Variants in EDIL3 observed in about 807,000 individuals in gnomAD.
EDIL3 encodes the protein EGF like and discoidin domains 3.
A neutral mutation model predicts 67.4 loss-of-function variants in EDIL3; 37 were observed. The ratio of observed to expected loss-of-function variants is 0.55; its 90% CI spans 0.42 to 0.72. The LOEUF is 0.72. EDIL3 is among the 30% of genes least tolerant of loss of function. EDIL3 has a pLI of 0.00. For synonymous variants in EDIL3, 195 were observed against 196.3 expected (o/e 0.99, Z 0.05); for missense variants, 527 against 586.3 (o/e 0.90, Z 1.04).
chr5:84,313,044 A>G (rs1746438196), intron 1 of EDIL3, among the ~76,000 whole-genome samples: 1 of 152,228 alleles, frequency 6.6e-6, no homozygotes, highest in African/African-American at 2.4e-5. Context: ...AGTTACTAAT[A>G]GAAATGGTCT....
chr5:84,159,015 C>T (rs1315970254), intron 4 of EDIL3, among the ~76,000 whole-genome samples: 8 of 151,946 alleles, frequency 5.3e-5, no homozygotes, highest in Admixed American at 5.3e-4. Context: ...AACAAAGGAA[C>T]AAACTGAACA....
At chr5:84,149,513 C>A (rs906369777) in intron 4 of EDIL3, among the ~76,000 whole-genome samples, 2 of 152,022 alleles carry the variant, frequency 1.3e-5, no homozygotes, top group Non-Finnish European at 2.9e-5. Context: ...ATAAGCAAGA[C>A]CTAGAAGGAT....
At chr5:84,251,480 T>C (rs1745025079) in intron 2 of EDIL3, among the ~76,000 whole-genome samples, 1 of 151,714 alleles carries the variant, frequency 6.6e-6, no homozygotes, top group Non-Finnish European at 1.5e-5. Context: ...AAATATTTGA[T>C]CCCAATATTA....
chr5:83,995,153 CACAT>C (rs1295739528), intron 9 of EDIL3, among the ~76,000 whole-genome samples: 5 of 99,446 alleles, frequency 5.0e-5, no homozygotes, highest in African/African-American at 2.3e-4. Context: ...CACGCACACA[CACAT>C]ACACACACAC....
chr5:84,091,853 AT>A (rs1364610313), intron 6 of EDIL3, among the ~76,000 whole-genome samples: 1 of 152,246 alleles, frequency 6.6e-6, no homozygotes, highest in Non-Finnish European at 1.5e-5. Flanking sequence ...TAGAGGCAAT[AT>A]GAGAATCTAA....
chr5:84,160,144 T>C (rs947572105), intron 4 of EDIL3, among the ~76,000 whole-genome samples: 1 of 152,104 alleles, frequency 6.6e-6, no homozygotes, highest in Admixed American at 6.6e-5. Context: ...TTTGTACTGG[T>C]TTTTTTGACA....
At chr5:84,020,217 C>T (rs1369028362) in intron 9 of EDIL3, among the ~76,000 whole-genome samples, 1 of 151,958 alleles carries the variant, frequency 6.6e-6, no homozygotes, top group African/African-American at 2.4e-5. Context: ...TAAATTCTCC[C>T]TTCATCTGAG....
chr5:84,271,241 C>T (rs1421618011), intron 1 of EDIL3, among the ~76,000 whole-genome samples: 4 of 151,816 alleles, frequency 2.6e-5, no homozygotes, highest in Non-Finnish European at 5.9e-5. Context: ...GGGGAAACCC[C>T]GTCTCCACTA....
At chr5:84,230,885 G>A (rs1744564439) in intron 2 of EDIL3, among the ~76,000 whole-genome samples, 1 of 151,898 alleles carries the variant, frequency 6.6e-6, no homozygotes, top group Non-Finnish European at 1.5e-5. Flanking sequence ...GCATTTTAAA[G>A]AGTGACCCCA....
At chr5:83,964,338 T>C (rs1214615650) in intron 9 of EDIL3, among the ~76,000 whole-genome samples, 3 of 151,930 alleles carry the variant, frequency 2.0e-5, no homozygotes, top group Non-Finnish European at 2.9e-5. Context: ...ATCTACGGCT[T>C]CCTCTCTCTT....
At chr5:84,323,385 C>T (rs969900966) in intron 1 of EDIL3, among the ~76,000 whole-genome samples, 1 of 151,602 alleles carries the variant, frequency 6.6e-6, no homozygotes, top group Non-Finnish European at 1.5e-5. Context: ...AATGCTGTCC[C>T]CATAGTAACC....
chr5:84,309,688 G>T (rs539152870), intron 1 of EDIL3, among the ~76,000 whole-genome samples: 1 of 152,044 alleles, frequency 6.6e-6, no homozygotes, highest in South Asian at 2.1e-4. Context: ...ATTTTTTATG[G>T]CTGCATAGTA....
intron 1 of EDIL3, among the ~76,000 whole-genome samples, chr5:84,383,089 T>C (rs930039059): frequency 1.3e-5 from 2 of 152,242 alleles, no homozygotes; most frequent in South Asian, 4.1e-4. Flanking sequence ...AGTCAACGCA[T>C]TTTTAAATCC....
At chr5:84,243,589 G>A (rs1744841221) in intron 2 of EDIL3, among the ~76,000 whole-genome samples, 1 of 152,142 alleles carries the variant, frequency 6.6e-6, no homozygotes, top group South Asian at 2.1e-4. Context: ...AGCAGATAAA[G>A]ACATTGTGGG....
At chr5:83,981,517 A>G (rs1156239607) in intron 9 of EDIL3, among the ~76,000 whole-genome samples, 1 of 152,050 alleles carries the variant, frequency 6.6e-6, no homozygotes, top group Non-Finnish European at 1.5e-5. Context: ...AATATTCAGT[A>G]GGGGTGAGGA....
chr5:84,208,190 C>G (rs1744027474), intron 3 of EDIL3, among the ~76,000 whole-genome samples: 1 of 152,102 alleles, frequency 6.6e-6, no homozygotes, highest in African/African-American at 2.4e-5. Flanking sequence ...TGAACTCAAA[C>G]AAATTTACAA....
intron 4 of EDIL3, among the ~76,000 whole-genome samples, chr5:84,160,816 T>C (rs1320250219): frequency 3.1e-5 from 4 of 129,644 alleles, no homozygotes; most frequent in Middle Eastern, 7.2e-3. Context: ...TTTCCTTTCC[T>C]TTCCCTTTCC....
Position 84,198,558 on chromosome 5 carries a change from A to G in EDIL3, c.227-18037T>C, listed in dbSNP as rs138609341. On this transcript the variant is annotated intron_variant, in intron 3 of 10. Coordinates refer to ENST00000296591, the MANE Select transcript of EDIL3 (RefSeq NM_005711.5). ...ACGTGATCAGAATGAGTAAAGAAGAATTAGCAATGAAGTAAAATTCTCACT... is the reference window on the plus strand; with the variant it reads ...ACGTGATCAGAATGAGTAAAGAAGAGTTAGCAATGAAGTAAAATTCTCACT... Among the ~76,000 whole-genome samples the G allele has an allele frequency of 9.8e-3, 1,492 of 152,236 alleles. 28 individuals carry two copies. The highest frequency in any genetic ancestry group is 0.033 in the African/African-American group (1,385 of 41,556).
rs563652720 is a variant in EDIL3, at chr5:84,247,869, CA to C, written c.196+6214del. ...AAGAAATTATAAATAAAATAATATACAGTACTATTATCCTGTACTGACCTAC... is the reference window on the plus strand; with the variant it reads ...AAGAAATTATAAATAAAATAATATACGTACTATTATCCTGTACTGACCTAC... On this transcript the variant is annotated intron_variant, in intron 2 of 10. Transcript: ENST00000296591. Among the ~76,000 whole-genome samples, 116 of 152,012 alleles carry C rather than the reference CA, an allele frequency of 7.6e-4. 1 individual carries two copies. The highest frequency in any genetic ancestry group is 2.7e-3 in the African/African-American group (114 of 41,488).
Sources: allele counts gnomAD v4.1 joint callset (sites outside exome capture counted in the v4.1 genomes callset), GRCh38; gene constraint gnomAD v4.1.1; transcripts MANE v1.5; gene names NCBI Gene and HGNC (gene_info 2026-07-23, HGNC 2026-07-21).